HOXC6: variants seen among roughly 807,000 people sequenced by gnomAD.
HOXC6 encodes the protein homeobox C6.
In HOXC6, 10 loss-of-function variants were observed where a neutral mutation model predicts 24.0. The observed-to-expected ratio is 0.42, with a 90% CI of 0.26 to 0.71. The LOEUF is 0.71. Ranked by LOEUF, HOXC6 falls within the 30% of genes least tolerant of loss-of-function variation. The pLI, the probability that HOXC6 is intolerant of heterozygous loss-of-function variation, is 0.28. For synonymous variants in HOXC6, 123 were observed against 128.1 expected (o/e 0.96, Z 0.27); for missense variants, 258 against 303.4 (o/e 0.85, Z 1.11).
At chr12:54,029,006 T>A in intron 1 of HOXC6, 85 bp downstream of exon 1, 1 of 1,304,032 alleles carries the variant, frequency 7.7e-7, no homozygotes, top group Non-Finnish European at 1.0e-6. Context: ...GCGGAGAGAG[T>A]TTTTTATGGC....
chr12:54,028,619 CAGTG>C lies in HOXC6; in HGVS notation c.101_104del (p.Val34GlyfsTer58). 1 of 1,614,162 alleles carries C rather than the reference CAGTG, an allele frequency of 6.2e-7. No individual in the cohort carries two copies. Among genetic ancestry groups the C allele is most frequent in the Non-Finnish European group, 8.5e-7 (1 of 1,180,036 alleles). On this transcript the variant is annotated frameshift_variant, in exon 1 of 2. Coordinates refer to ENST00000243108, the MANE Select transcript of HOXC6 (RefSeq NM_004503.4). LOFTEE classifies it high-confidence loss of function. ...GCCCTCAATTCCACCGCCTATGATC[CAGTG>C]AGGCATTTCTCGACCTATGGAGCGG...
chr12:54,028,974 A>G, intron 1 of HOXC6, 53 bp downstream of exon 1: 3 of 1,519,672 alleles, frequency 2.0e-6, no homozygotes, highest in Non-Finnish European at 2.6e-6. Flanking sequence ...TGGCTTTATG[A>G]CCGGCTTCCC....
At chr12:54,025,832 C>G (rs1045521051), upstream of HOXC6, among the ~76,000 whole-genome samples, 17 of 152,126 alleles carry the variant, frequency 1.1e-4, no homozygotes, top group African/African-American at 4.1e-4. Flanking sequence ...GGGCCCCTTT[C>G]CTCTCCAGAC....
intron 1 of HOXC6, among the ~76,000 whole-genome samples, chr12:54,018,904 C>T (rs1203603117): frequency 6.6e-6 from 1 of 152,128 alleles, no homozygotes; most frequent in African/African-American, 2.4e-5. Context: ...GGGAGGGGAT[C>T]GCTCCACGAT....
rs1388938197 is a variant in HOXC6, at chr12:54,030,173, G to C, written c.*211G>C. 1 of 508,116 alleles carries C rather than the reference G, an allele frequency of 2.0e-6. No individual in the cohort carries two copies. Among genetic ancestry groups the C allele is most frequent in the African/African-American group, 1.9e-5 (1 of 52,344 alleles). 31.5% of individuals were successfully genotyped at this position (508,116 alleles called of 1,614,324 possible). ...TTTCACCACGCGCCTCCTCCTCCTC[G>C]CTCCCTTGCTAGCTCGTTCTCGGCT... On this transcript the variant is annotated 3_prime_UTR_variant, in exon 2 of 2. Transcript: ENST00000243108.
At position 54,028,687 on chromosome 12, in the gene HOXC6, T is replaced by C. The variant is rs1940842663; in HGVS notation, c.166T>C (p.Ser56Pro). 6.2e-7 allele frequency: 1 copy of C among 1,614,068 alleles called. No homozygotes were observed. The highest frequency in any genetic ancestry group is 8.5e-7 in the Non-Finnish European group (1 of 1,180,006). ...CCGGATCTACTCGACTCCCTTTTAT[T>C]CGCCACAGGAGAATGTCGTGTTCAG... The part of the protein sequence containing the change: ...QNRIYSTPFY[S>P]PQENVVFSSS... The change falls in exon 1 of 2, where the codon TCG becomes CCG. Residue 56 changes from serine to proline, a missense_variant. Physicochemically the swap from Ser to Pro is moderately conservative, Grantham distance 74. Coordinates refer to ENST00000243108, the MANE Select transcript of HOXC6 (RefSeq NM_004503.4).
chr12:54,017,056 A>C (rs1364138025), exon 1 of HOXC6: 2 of 132,114 alleles, frequency 1.5e-5, no homozygotes, highest in African/African-American at 2.8e-5. Context: ...GCAGCTGGGG[A>C]GGGTGGGGAT....
At chr12:54,023,229 G>C (rs1940530127) in intron 1 of HOXC6, among the ~76,000 whole-genome samples, 2 of 152,226 alleles carry the variant, frequency 1.3e-5, no homozygotes, top group South Asian at 4.1e-4. Context: ...GATGGAGCTG[G>C]AAGGGGGCTC....
intron 1 of HOXC6, among the ~76,000 whole-genome samples, chr12:54,018,293 C>T (rs909869467): frequency 1.3e-5 from 2 of 152,218 alleles, no homozygotes; most frequent in Non-Finnish European, 2.9e-5. Context: ...CCCACTGGAC[C>T]GGGATGCCCG....
upstream of HOXC6, among the ~76,000 whole-genome samples, chr12:54,026,052 C>T (rs1199587143): frequency 6.6e-6 from 1 of 152,110 alleles, no homozygotes; most frequent in Non-Finnish European, 1.5e-5. Context: ...TTGTACATTG[C>T]AACAATTTAA....
chr12:54,017,858 C>A (rs1311717777), intron 1 of HOXC6, among the ~76,000 whole-genome samples: 1 of 151,926 alleles, frequency 6.6e-6, no homozygotes, highest in Non-Finnish European at 1.5e-5. Flanking sequence ...GCAAAGTTAG[C>A]CCCCCAACCC....
intron 1 of HOXC6, chr12:54,021,891 A>G (rs969339840): frequency 6.6e-6 from 1 of 152,270 alleles, no homozygotes; most frequent in Admixed American, 6.5e-5. Context: ...GTGCTGTGCT[A>G]TCCCCGGACT....
At chr12:54,019,110 A>C (rs572480978) in intron 1 of HOXC6, among the ~76,000 whole-genome samples, 2 of 98,142 alleles carry the variant, frequency 2.0e-5, no homozygotes, top group South Asian at 7.3e-4. Context: ...CCCCTTTCGC[A>C]GCCATCATAA....
chr12:54,027,877 T>A (rs1940794063), upstream of HOXC6, among the ~76,000 whole-genome samples: 1 of 152,120 alleles, frequency 6.6e-6, no homozygotes, highest in Non-Finnish European at 1.5e-5. Flanking sequence ...GGGGAACAGG[T>A]TTTATGAAAT....
At chr12:54,018,031 A>G (rs1940237903) in intron 1 of HOXC6, among the ~76,000 whole-genome samples, 1 of 151,930 alleles carries the variant, frequency 6.6e-6, no homozygotes, top group South Asian at 2.1e-4. Context: ...ATTGGCAATT[A>G]GGGGGGAGGC....
At chr12:54,022,584 T>A (rs1171642279) in intron 1 of HOXC6, 1 of 152,130 alleles carries the variant, frequency 6.6e-6, no homozygotes, top group Non-Finnish European at 1.5e-5. Context: ...AGGATAAAAT[T>A]ATTTATAGGG....
At chr12:54,026,509 T>C (rs545460203), upstream of HOXC6, among the ~76,000 whole-genome samples, 9 of 152,356 alleles carry the variant, frequency 5.9e-5, no homozygotes, top group South Asian at 1.7e-3. Flanking sequence ...TTCCCCTTCA[T>C]TTCCTTGGGG....
chr12:54,029,225 TGAG>T (rs1267556650), intron 1 of HOXC6, among the ~76,000 whole-genome samples: 2 of 151,530 alleles, frequency 1.3e-5, no homozygotes, highest in Non-Finnish European at 1.5e-5. Context: ...GGAGTCAGTC[TGAG>T]GAGAAGGGAG....
upstream of HOXC6, chr12:54,028,265 A>AT (rs1422671421): frequency 1.4e-5 from 1 of 71,346 alleles, no homozygotes; most frequent in African/African-American, 4.9e-5. Flanking sequence ...ATATATATAT[A>AT]TATTTTTTAA....
Sources: allele counts gnomAD v4.1 joint callset (sites outside exome capture counted in the v4.1 genomes callset), GRCh38; gene constraint gnomAD v4.1.1; transcripts MANE v1.5; gene names NCBI Gene and HGNC (gene_info 2026-07-23, HGNC 2026-07-21).